Variants in PTPRN2 observed in about 807,000 individuals in gnomAD.
The protein encoded by PTPRN2 is protein tyrosine phosphatase receptor type N2, also known as receptor-type tyrosine-protein phosphatase N2.
Under a neutral mutation model 118.8 loss-of-function variants are expected in PTPRN2, and 74 were observed. The observed-to-expected ratio is 0.62, with a 90% CI of 0.52 to 0.76. The LOEUF is 0.76. Among genes scored for constraint, PTPRN2 ranks in the 30% least tolerant of loss-of-function variants. The pLI is 0.00. For synonymous variants in PTPRN2, 641 were observed against 608.0 expected (o/e 1.05, Z -0.80); for missense variants, 1,481 against 1,394.4 (o/e 1.06, Z -0.99).
intron 1 of PTPRN2, among the ~76,000 whole-genome samples, chr7:158,542,623 A>T (rs1391854842): frequency 6.6e-6 from 1 of 152,240 alleles, no homozygotes; most frequent in Non-Finnish European, 1.5e-5. Flanking sequence ...CCAGCGGAGC[A>T]ACGCTCAACC....
chr7:158,333,359 C>A (rs1199612894), intron 2 of PTPRN2, among the ~76,000 whole-genome samples: 1 of 144,538 alleles, frequency 6.9e-6, no homozygotes, highest in East Asian at 2.0e-4. Flanking sequence ...CTGCAGACGT[C>A]ACTCACACCC....
chr7:158,341,799 C>G (rs1438034081), intron 2 of PTPRN2, among the ~76,000 whole-genome samples: 1 of 136,956 alleles, frequency 7.3e-6, no homozygotes, highest in Non-Finnish European at 1.6e-5. Flanking sequence ...CACACCCACA[C>G]TCTCACCGTA....
chr7:158,078,168 C>A (rs77954085), intron 11 of PTPRN2, among the ~76,000 whole-genome samples: 2 of 152,166 alleles, frequency 1.3e-5, no homozygotes, highest in Non-Finnish European at 2.9e-5. Flanking sequence ...ATTAACTACA[C>A]GCCTATTCAT....
At chr7:157,614,184 T>C (rs1802604186) in intron 15 of PTPRN2, 4 of 457,322 alleles carry the variant, frequency 8.7e-6, no homozygotes, top group Non-Finnish European at 1.8e-5. Flanking sequence ...AGGGTGGAGC[T>C]CAGGGCCAAG....
At chr7:157,879,335 A>C (rs960052414) in intron 12 of PTPRN2, among the ~76,000 whole-genome samples, 10 of 152,000 alleles carry the variant, frequency 6.6e-5, no homozygotes, top group African/African-American at 1.7e-4. Context: ...GCAGGAACAC[A>C]CCCCCCAACA....
At chr7:157,815,215 G>A (rs1806319742) in intron 12 of PTPRN2, among the ~76,000 whole-genome samples, 1 of 152,216 alleles carries the variant, frequency 6.6e-6, no homozygotes, top group South Asian at 2.1e-4. Flanking sequence ...CGCTGGGCAC[G>A]CTGGGAAGAG....
chr7:158,301,674 C>T lies in PTPRN2; in HGVS notation c.277+15145G>A, dbSNP rs1236066305. On this transcript the variant is annotated intron_variant, in intron 3 of 22. Transcript: ENST00000389418. ...CTTAAGAACAATCCCATTTGCTGGG[C>T]GTGGTGGCCCATTCCTATAATCCCA... Among the ~76,000 whole-genome samples, 5 of 152,174 alleles carry T rather than the reference C, an allele frequency of 3.3e-5. No homozygotes were observed. In the East Asian group the frequency reaches 7.7e-4, roughly 23 times the overall value.
intron 2 of PTPRN2, among the ~76,000 whole-genome samples, chr7:158,479,938 G>A (rs911627157): frequency 2.0e-5 from 3 of 152,266 alleles, no homozygotes; most frequent in Non-Finnish European, 2.9e-5. Flanking sequence ...AATGACAGCA[G>A]CACCATGCAA....
intron 12 of PTPRN2, among the ~76,000 whole-genome samples, chr7:157,744,677 G>C (rs148393193): frequency 6.6e-6 from 1 of 152,208 alleles, no homozygotes; most frequent in Non-Finnish European, 1.5e-5. Context: ...AGGCACTTCA[G>C]TACCATCAGA....
intron 13 of PTPRN2, among the ~76,000 whole-genome samples, chr7:157,664,443 C>CT (rs896734751): frequency 6.9e-4 from 105 of 152,370 alleles, no homozygotes; most frequent in African/African-American, 2.5e-3. Context: ...TACGAATACT[C>CT]TAAGTACCAT....
chr7:158,284,412 C>T (rs1374423843), intron 3 of PTPRN2, among the ~76,000 whole-genome samples: 1 of 152,214 alleles, frequency 6.6e-6, no homozygotes, highest in Non-Finnish European at 1.5e-5. Flanking sequence ...CCTCTTGATG[C>T]TCTATGAGTA....
In PTPRN2 at chr7:158,402,004, C is replaced by T. The variant is rs1812982888; in HGVS notation, c.164-85072G>A. ...CCCAGAGCCAGGGAGAGGTGGGAAA[C>T]GGGGTGTGAAAGAGAGATGAGGAAA... is the stretch of plus-strand genomic sequence containing the variant. On this transcript the variant is annotated intron_variant, in intron 2 of 22. Coordinates refer to ENST00000389418, the MANE Select transcript of PTPRN2 (RefSeq NM_002847.5). Among the ~76,000 whole-genome samples, 8 of 152,054 alleles carry T rather than the reference C, an allele frequency of 5.3e-5. 1 individual carries two copies. In the South Asian group the frequency reaches 1.5e-3, roughly 28 times the overall value.
chr7:157,694,662 A>G (rs138242856), intron 12 of PTPRN2, among the ~76,000 whole-genome samples: 1 of 152,342 alleles, frequency 6.6e-6, no homozygotes, highest in East Asian at 1.9e-4. Flanking sequence ...AGGAAAATGT[A>G]TCTTCTAATT....
chr7:158,221,736 C>T (rs1828393382), intron 3 of PTPRN2, among the ~76,000 whole-genome samples: 3 of 152,182 alleles, frequency 2.0e-5, no homozygotes. Flanking sequence ...AGTCAATTAT[C>T]TCCTACCAGG....
intron 11 of PTPRN2, among the ~76,000 whole-genome samples, chr7:158,056,124 C>T (rs989275628): frequency 1.3e-5 from 2 of 152,232 alleles, no homozygotes; most frequent in Non-Finnish European, 2.9e-5. Flanking sequence ...CCACACACTC[C>T]CTCCACCTGG....
At chr7:157,555,775 C>G (rs1375207686) in intron 21 of PTPRN2, among the ~76,000 whole-genome samples, 3 of 152,230 alleles carry the variant, frequency 2.0e-5, no homozygotes. Flanking sequence ...ATTTTCTCAA[C>G]TCTACCCTCT....
chr7:157,574,943 C>T lies in PTPRN2; in HGVS notation c.2783+1670G>A, dbSNP rs568258369. ...AGGCAAGAAAAGCTTTCTACTCTGACGTGGCTTTCAAAACCGTGTCTGGGG... is the reference window on the plus strand; with the variant it reads ...AGGCAAGAAAAGCTTTCTACTCTGATGTGGCTTTCAAAACCGTGTCTGGGG... On this transcript the variant is annotated intron_variant, in intron 19 of 22. Coordinates refer to ENST00000389418, the MANE Select transcript of PTPRN2 (RefSeq NM_002847.5). Among the ~76,000 whole-genome samples, 15 of 152,346 alleles carry T rather than the reference C, an allele frequency of 9.8e-5. No individual in the cohort carries two copies. The South Asian group carries it at 2.9e-3, about 29-fold the overall frequency.
intron 11 of PTPRN2, among the ~76,000 whole-genome samples, chr7:158,068,181 C>T (rs1029650777): frequency 5.3e-5 from 8 of 152,312 alleles, no homozygotes; most frequent in Middle Eastern, 3.4e-3. Flanking sequence ...CAGGCCAGAG[C>T]GTGGGGACTT....
At chr7:158,285,789 G>C (rs967815776) in intron 3 of PTPRN2, among the ~76,000 whole-genome samples, 3 of 152,204 alleles carry the variant, frequency 2.0e-5, no homozygotes, top group Non-Finnish European at 4.4e-5. Context: ...CTCAGTCCTT[G>C]GGTTAGGGAG....
Sources: allele counts gnomAD v4.1 joint callset (sites outside exome capture counted in the v4.1 genomes callset), GRCh38; gene constraint gnomAD v4.1.1; transcripts MANE v1.5; gene names NCBI Gene and HGNC (gene_info 2026-07-23, HGNC 2026-07-21).